The following COL24A1 variants were observed in gnomAD, a reference collection of about 807,000 sequenced individuals.
The protein encoded by COL24A1 is collagen alpha-1(XXIV) chain.
Under a neutral mutation model 253.9 loss-of-function variants are expected in COL24A1, and 224 were observed. That is an observed-to-expected ratio of 0.88 (90% CI 0.79 to 0.99). The LOEUF (loss-of-function observed/expected upper bound fraction) is 0.99. Among genes scored for constraint, COL24A1 ranks in the 50% least tolerant of loss-of-function variants. COL24A1 has a pLI of 0.00. For synonymous variants in COL24A1, 685 were observed against 673.7 expected, an observed-to-expected ratio of 1.02 and a Z score of -0.26; for missense variants, 2,131 against 2,068.5, an observed-to-expected ratio of 1.03 and a Z score of -0.59.
At chr1:85,779,578 T>C (rs1668944477) in intron 52 of COL24A1, among the ~76,000 whole-genome samples, 1 of 152,168 alleles carries the variant, frequency 6.6e-6, no homozygotes, top group African/African-American at 2.4e-5. Context: ...AAGGCTTTCC[T>C]ATAATGTGAT....
intron 19 of COL24A1, among the ~76,000 whole-genome samples, chr1:85,993,658 T>G (rs976046940): frequency 6.6e-5 from 10 of 152,038 alleles, no homozygotes; most frequent in Non-Finnish European, 1.5e-4. Context: ...TTTCACAGGT[T>G]ATACATATGT....
At chr1:85,833,476 G>C (rs1451305722) in intron 43 of COL24A1, among the ~76,000 whole-genome samples, 1 of 152,180 alleles carries the variant, frequency 6.6e-6, no homozygotes, top group Non-Finnish European at 1.5e-5. Context: ...ACAGGTGCTG[G>C]AGAGGATGTG....
At chr1:86,079,362 A>G (rs903627831) in intron 7 of COL24A1, among the ~76,000 whole-genome samples, 1 of 152,148 alleles carries the variant, frequency 6.6e-6, no homozygotes, top group African/African-American at 2.4e-5. Flanking sequence ...ACAAGAAAAT[A>G]TTGGGGAACC....
intron 24 of COL24A1, among the ~76,000 whole-genome samples, chr1:85,941,318 C>G (rs1023677585): frequency 2.0e-5 from 3 of 152,008 alleles, no homozygotes; most frequent in Non-Finnish European, 4.4e-5. Context: ...GATGCCTCCC[C>G]CCACTGTCAA....
intron 5 of COL24A1, among the ~76,000 whole-genome samples, chr1:86,104,057 A>G (rs1421710605): frequency 6.6e-6 from 1 of 151,944 alleles, no homozygotes; most frequent in Non-Finnish European, 1.5e-5. Flanking sequence ...ATGATCCCCT[A>G]TTTCTCAGGG....
chr1:85,868,581 C>T lies in COL24A1; in HGVS notation c.3238G>A (p.Gly1080Arg), dbSNP rs575857531. The T allele has an allele frequency of 6.2e-7, 1 of 1,613,910 alleles. No homozygotes were observed. The highest frequency in any genetic ancestry group is 2.2e-5 in the East Asian group (1 of 44,856). ...RGLPGEDGEK[G>R]EMGLPGIIGP... ...ATAATTCCTGGTAAGCCCATCTCTC[C>T]TTTTTCTCCATCCTCTCCAGGAAGT... The change falls in exon 37 of 60, where the codon GGA (glycine) becomes AGA (arginine). Residue 1080 changes from glycine to arginine, a missense_variant. Transcript: ENST00000370571.
chr1:85,908,632 C>A lies in COL24A1; in HGVS notation c.2690G>T (p.Gly897Val). Residue 897 changes from glycine (G) to valine (V), a missense_variant, in exon 27 of 60, where the codon GGG (glycine) becomes GTG (valine). Physicochemically the swap from Gly to Val is moderately radical, Grantham distance 109. Transcript: ENST00000370571. ...KGVMGYPGPP[G>V]VPGPIGPLGL... The stretch of plus-strand genomic sequence containing the variant: ...CAATGGACCGATAGGTCCTGGAACC[C>A]CAGGAGGACCTGGATATCCCTATAA... The A allele has an allele frequency of 1.4e-6, 2 of 1,449,348 alleles. No homozygotes were observed. The highest frequency in any genetic ancestry group is 2.5e-5 in the East Asian group (1 of 39,530). 89.8% of individuals were successfully genotyped at this position (1,449,348 alleles called of 1,614,324 possible). A position where few individuals can be genotyped will look rare whatever the true frequency, so the allele number is the denominator to read the frequency against.
chr1:86,089,183 T>C lies in COL24A1; in HGVS notation c.1698A>G (p.Gln566=). The C allele has an allele frequency of 2.5e-6, 4 of 1,581,626 alleles. No homozygotes were observed. The highest frequency in any genetic ancestry group is 2.6e-6 in the Non-Finnish European group (3 of 1,171,550). ...LSGLMGPPGM[Q]GDKGLKGHPG... is the part of the protein sequence containing the mutation. The stretch of plus-strand genomic sequence containing the variant: ...TAAAATTCCAACTTACCTTATCACC[T>C]TGCATACCAGGGGGGCCCATTAATC... The change falls in exon 7 of 60, where the codon CAA becomes CAG. Residue 566 remains glutamine (Q), a synonymous_variant. Coordinates refer to ENST00000370571, the MANE Select transcript of COL24A1 (RefSeq NM_152890.7).
At chr1:86,093,022 T>G (rs1703618226) in intron 5 of COL24A1, among the ~76,000 whole-genome samples, 1 of 152,038 alleles carries the variant, frequency 6.6e-6, no homozygotes, top group Non-Finnish European at 1.5e-5. Context: ...GGGGCCACAA[T>G]GGAGATTCTT....
intron 55 of COL24A1, among the ~76,000 whole-genome samples, chr1:85,757,422 A>G (rs548122321): frequency 6.6e-6 from 1 of 152,172 alleles, no homozygotes; most frequent in Non-Finnish European, 1.5e-5. Flanking sequence ...GGATATTCTT[A>G]GTTGGCAACA....
chr1:86,146,030 C>G, intron 2 of COL24A1, 89 bp downstream of exon 2: 1 of 1,047,882 alleles, frequency 9.5e-7, no homozygotes. Context: ...GTTGAATTTA[C>G]AGTTATAATG....
intron 32 of COL24A1, among the ~76,000 whole-genome samples, chr1:85,879,246 G>GGGGTGT (rs759641342): frequency 2.7e-5 from 4 of 147,116 alleles, no homozygotes; most frequent in African/African-American, 7.5e-5. Context: ...TCATTTTGAG[G>GGGGTGT]GTGTGTGTGT....
At chr1:86,070,194 A>T (rs1330379795) in intron 7 of COL24A1, among the ~76,000 whole-genome samples, 1 of 152,236 alleles carries the variant, frequency 6.6e-6, no homozygotes, top group African/African-American at 2.4e-5. Context: ...ATGCTGAAGA[A>T]TGTATCAGAG....
At chr1:86,078,634 C>T (rs1702422409) in intron 7 of COL24A1, among the ~76,000 whole-genome samples, 1 of 152,096 alleles carries the variant, frequency 6.6e-6, no homozygotes, top group South Asian at 2.1e-4. Context: ...ACAAAATCAA[C>T]ATACAAAAAT....
At chr1:85,830,761 A>T (rs1012653107) in intron 43 of COL24A1, among the ~76,000 whole-genome samples, 17 of 152,270 alleles carry the variant, frequency 1.1e-4, no homozygotes, top group Admixed American at 7.9e-4. Flanking sequence ...GAGTGAGGCA[A>T]TGCCTTGCCC....
intron 46 of COL24A1, among the ~76,000 whole-genome samples, chr1:85,817,472 T>C (rs1673160573): frequency 6.6e-6 from 1 of 151,898 alleles, no homozygotes; most frequent in Non-Finnish European, 1.5e-5. Context: ...CCAATACAAG[T>C]CACCCAAAGC....
intron 3 of COL24A1, among the ~76,000 whole-genome samples, chr1:86,120,587 A>G (rs1459772142): frequency 6.6e-6 from 1 of 152,234 alleles, no homozygotes; most frequent in African/African-American, 2.4e-5. Context: ...CAAAACCACA[A>G]TGAGATACCA....
At chr1:85,961,863 G>A (rs572707601) in intron 23 of COL24A1, among the ~76,000 whole-genome samples, 39 of 152,248 alleles carry the variant, frequency 2.6e-4, no homozygotes, top group Non-Finnish European at 3.4e-4. Context: ...CCCAAGAATA[G>A]CAAGGCGGAA....
intron 24 of COL24A1, among the ~76,000 whole-genome samples, chr1:85,917,612 C>T (rs966945370): frequency 4.6e-5 from 7 of 151,244 alleles, no homozygotes; most frequent in African/African-American, 1.7e-4. Flanking sequence ...TATTTTTTCC[C>T]ATTAAGATTT....
Sources: gnomAD v4.1 joint callset for allele counts (sites outside exome capture counted in the v4.1 genomes callset) on GRCh38, gnomAD v4.1.1 for gene constraint, MANE v1.5 for transcripts, NCBI Gene and HGNC (gene_info 2026-07-23, HGNC 2026-07-21) for gene names.